Variants in EHBP1 observed in about 807,000 individuals in gnomAD.
The protein encoded by EHBP1 is EH domain-binding protein 1.
A neutral mutation model predicts 144.0 loss-of-function variants in EHBP1; 55 were observed. The observed-to-expected ratio is 0.38, with a 90% CI of 0.31 to 0.48. EHBP1 has a LOEUF of 0.48. EHBP1 is among the 20% of genes least tolerant of loss of function. EHBP1 has a pLI of 0.98. For missense variants in EHBP1, 1,200 were observed against 1,364.2 expected, an observed-to-expected ratio of 0.88 and a Z score of 1.90; for synonymous variants, 469 against 472.7, an observed-to-expected ratio of 0.99 and a Z score of 0.10.
At position 62,859,363 on chromosome 2, in the gene EHBP1, A is replaced by G; in HGVS notation, c.757+72A>G. On this transcript the variant is annotated intron_variant, in intron 8 of 22. Transcript: ENST00000431489. ...ACTTGAACTGTAAGGGCAGGAAAAT[A>G]TTTTCTTCAGAGACTAACACACAAA... 4.9e-6 allele frequency: 7 copies of G among 1,423,524 alleles called. No individual in the cohort carries two copies. The East Asian group carries it at 7.0e-5, about 14-fold the overall frequency. 88.2% of individuals were successfully genotyped at this position (1,423,524 alleles called of 1,614,324 possible). A position where few individuals can be genotyped will look rare whatever the true frequency, so the allele number is the denominator to read the frequency against.
At position 62,907,930 on chromosome 2, in the gene EHBP1, G is replaced by A. The variant is rs367920131; in HGVS notation, c.1185+33398G>A. On this transcript the variant is annotated intron_variant, in intron 10 of 22. Transcript: ENST00000431489. ...CCTGACTGAAGTTTATTTTGTCCTG[G>A]AGGAGGAACATTTGGCAATGTCTAT... Among the ~76,000 whole-genome samples, 4 of 152,134 alleles carry A rather than the reference G, an allele frequency of 2.6e-5. No individual in the cohort carries two copies. In the East Asian group the frequency reaches 5.8e-4, roughly 22 times the overall value.
chr2:62,934,383 ACATT>A (rs1018009335), intron 10 of EHBP1, among the ~76,000 whole-genome samples: 67 of 152,340 alleles, frequency 4.4e-4, no homozygotes, highest in African/African-American at 1.5e-3. Flanking sequence ...TATAAAGTGC[ACATT>A]CAATTTTTGC....
intron 5 of EHBP1, among the ~76,000 whole-genome samples, chr2:62,792,960 T>A (rs1329383901): frequency 1.3e-5 from 2 of 151,952 alleles, no homozygotes; most frequent in Non-Finnish European, 2.9e-5. Context: ...TCTTTAAAAA[T>A]TTTAATATTT....
At chr2:62,729,620 A>G (rs1447760486) in intron 2 of EHBP1, among the ~76,000 whole-genome samples, 1 of 129,244 alleles carries the variant, frequency 7.7e-6, no homozygotes, top group African/African-American at 2.8e-5. Flanking sequence ...AATAATAAAT[A>G]AAATAAAATA....
rs563227620 is a variant in EHBP1 at position 62,844,359 on chromosome 2, G to A, written c.634+13201G>A. The stretch of plus-strand genomic sequence containing the variant: ...TCTCAGGCAGGAACCATTTATTGAT[G>A]CTACTTCTATAGATACATTTTACTG... On this transcript the variant is annotated intron_variant, in intron 7 of 22. Transcript: ENST00000431489. Among the ~76,000 whole-genome samples the A allele has an allele frequency of 6.0e-4, 92 of 152,260 alleles. 1 individual carries two copies. Among genetic ancestry groups the A allele is most frequent in the African/African-American group, 2.1e-3 (86 of 41,562 alleles).
intron 10 of EHBP1, among the ~76,000 whole-genome samples, chr2:62,890,365 C>T (rs1183122845): frequency 2.0e-5 from 3 of 152,104 alleles, no homozygotes; most frequent in Non-Finnish European, 4.4e-5. Context: ...TTCTTCCAAC[C>T]CATGAGCATG....
At chr2:62,868,628 T>G (rs1402904603) in intron 9 of EHBP1, among the ~76,000 whole-genome samples, 3 of 148,246 alleles carry the variant, frequency 2.0e-5, no homozygotes, top group African/African-American at 7.5e-5. Flanking sequence ...ATCCAGAATA[T>G]GTAAAGAACT....
chr2:62,925,742 TG>T (rs1426240331), intron 10 of EHBP1, among the ~76,000 whole-genome samples: 1 of 152,034 alleles, frequency 6.6e-6, no homozygotes, highest in Non-Finnish European at 1.5e-5. Context: ...AAAACACTGA[TG>T]AAAGAAATTG....
At chr2:63,002,066 C>T (rs2059872119) in intron 19 of EHBP1, among the ~76,000 whole-genome samples, 1 of 152,146 alleles carries the variant, frequency 6.6e-6, no homozygotes, top group Non-Finnish European at 1.5e-5. Context: ...GAAAATCAGA[C>T]TGTAAAACAT....
intron 10 of EHBP1, 45 bp from the exon 11 acceptor site, chr2:62,942,673 T>C (rs187899333): frequency 4.7e-6 from 7 of 1,482,262 alleles, no homozygotes; most frequent in Admixed American, 2.0e-5. Flanking sequence ...ATTTTCATCT[T>C]CCATTAAATT....
intron 7 of EHBP1, among the ~76,000 whole-genome samples, chr2:62,839,602 C>G (rs561472805): frequency 6.7e-5 from 10 of 150,132 alleles, no homozygotes; most frequent in South Asian, 4.2e-4. Context: ...CCCATCGTCT[C>G]AGCCCAAAAT....
At chr2:62,709,991 A>G (rs1427144802) in intron 2 of EHBP1, among the ~76,000 whole-genome samples, 1 of 152,138 alleles carries the variant, frequency 6.6e-6, no homozygotes, top group Admixed American at 6.5e-5. Context: ...ATAGGGGTTT[A>G]TACCCCCTAC....
intron 2 of EHBP1, among the ~76,000 whole-genome samples, chr2:62,723,281 G>C (rs1363004727): frequency 6.6e-6 from 1 of 152,020 alleles, no homozygotes. Context: ...GGTCTATTTT[G>C]TCTGAAATTA....
chr2:62,935,344 A>ATAT (rs1553479001), intron 10 of EHBP1, among the ~76,000 whole-genome samples: 598 of 121,352 alleles, frequency 4.9e-3, no homozygotes, highest in Middle Eastern at 0.021. Flanking sequence ...AAAAAAAAAA[A>ATAT]ATATATATAT....
chr2:63,022,624 A>C (rs894715392), intron 19 of EHBP1, among the ~76,000 whole-genome samples: 1 of 152,116 alleles, frequency 6.6e-6, no homozygotes, highest in Non-Finnish European at 1.5e-5. Context: ...CAACATTGCC[A>C]GTTCTTCCAG....
chr2:62,873,794 C>G (rs185368594), intron 9 of EHBP1, among the ~76,000 whole-genome samples: 1 of 152,274 alleles, frequency 6.6e-6, no homozygotes, highest in East Asian at 1.9e-4. Flanking sequence ...GAATAACTGA[C>G]AACTAGAATT....
At chr2:62,955,936 A>G in intron 14 of EHBP1, 1 of 263,332 alleles carries the variant, frequency 3.8e-6, no homozygotes, top group Non-Finnish European at 7.1e-6. Context: ...TTTATATTTT[A>G]TAACTGTAGT....
At chr2:62,871,540 G>A (rs923612199) in intron 9 of EHBP1, among the ~76,000 whole-genome samples, 3 of 152,182 alleles carry the variant, frequency 2.0e-5, no homozygotes, top group Non-Finnish European at 4.4e-5. Context: ...TACTTGTTTA[G>A]TATTTATCAT....
intron 7 of EHBP1, among the ~76,000 whole-genome samples, chr2:62,856,775 A>G (rs1196403239): frequency 6.6e-6 from 1 of 152,274 alleles, no homozygotes; most frequent in African/African-American, 2.4e-5. Context: ...AATGGTGCTG[A>G]TAGACTTGCT....
Sources: gnomAD v4.1 joint callset for allele counts (sites outside exome capture counted in the v4.1 genomes callset) on GRCh38, gnomAD v4.1.1 for gene constraint, MANE v1.5 for transcripts, NCBI Gene and HGNC (gene_info 2026-07-23, HGNC 2026-07-21) for gene names.